Variants in ADAM7 observed in about 807,000 individuals in gnomAD.
ADAM7 encodes the protein disintegrin and metalloproteinase domain-containing protein 7.
In ADAM7, 97 loss-of-function variants were observed where a neutral mutation model predicts 102.9. That is an observed-to-expected ratio of 0.94 (90% CI 0.80 to 1.12). The LOEUF (loss-of-function observed/expected upper bound fraction) is 1.12. Ranked by LOEUF, ADAM7 falls within the 50% of genes most tolerant of loss-of-function variation. The pLI is 0.00. For missense variants in ADAM7, 991 were observed against 908.7 expected, an observed-to-expected ratio of 1.09 and a Z score of -1.16; for synonymous variants, 334 against 304.4, an observed-to-expected ratio of 1.10 and a Z score of -1.01.
intron 16 of ADAM7, among the ~76,000 whole-genome samples, chr8:24,499,003 A>G (rs994000914): frequency 2.0e-5 from 3 of 152,074 alleles, no homozygotes; most frequent in African/African-American, 2.4e-5. Context: ...ATTTCTTTGC[A>G]TGTATAGTAC....
chr8:24,489,585 A>G (rs933673748), intron 12 of ADAM7, among the ~76,000 whole-genome samples: 13 of 152,146 alleles, frequency 8.5e-5, no homozygotes, highest in African/African-American at 2.9e-4. Context: ...TTGTTAATAT[A>G]TAATTGGTTC....
At chr8:24,445,769 A>G (rs540168278) in intron 2 of ADAM7, among the ~76,000 whole-genome samples, 3 of 152,258 alleles carry the variant, frequency 2.0e-5, no homozygotes, top group South Asian at 2.1e-4. Flanking sequence ...GTTGAACATG[A>G]TTTACTCCTT....
intron 15 of ADAM7, 24 bp from the exon 16 acceptor site, chr8:24,493,019 T>C: frequency 3.2e-6 from 5 of 1,546,222 alleles, no homozygotes; most frequent in East Asian, 2.4e-5. Context: ...AGTTCCAAGT[T>C]TGAATATTCT....
At position 24,463,918 on chromosome 8, in the gene ADAM7, C is replaced by G. The variant is rs776799762; in HGVS notation, c.270C>G (p.Tyr90Ter). The G allele has an allele frequency of 1.9e-6, 3 of 1,613,718 alleles. No homozygotes were observed. In the South Asian group the frequency reaches 3.3e-5, roughly 18 times the overall value. ...GCTCAAATTACAGTGAAACATTCTACTCCATGAAAGGAGAAGCGTTCACCA... is the reference window on the plus strand; with the variant it reads ...GCTCAAATTACAGTGAAACATTCTAGTCCATGAAAGGAGAAGCGTTCACCA... ...FLGSNYSETF[Y>*]SMKGEAFTRH... is the part of the protein sequence containing the mutation. Residue 90 changes from tyrosine (Y) to a stop codon, truncating the protein, a stop_gained, in exon 4 of 22, where the codon TAC (tyrosine) becomes TAG (stop). Coordinates refer to ENST00000175238, the MANE Select transcript of ADAM7 (RefSeq NM_003817.4). LOFTEE classifies it high-confidence loss of function.
chr8:24,457,863 A>AGTGTGT (rs58099346), intron 3 of ADAM7, among the ~76,000 whole-genome samples: 6,755 of 147,876 alleles, frequency 0.046, 167 homozygotes, highest in African/African-American at 0.05. Context: ...TATGTGTGTG[A>AGTGTGT]GTGTGTGTGT....
rs527858828 is a variant in ADAM7, at chr8:24,465,085, G to A, written c.313-614G>A. 7.6e-4 allele frequency among the ~76,000 whole-genome samples: 116 copies of A among 152,262 alleles called. 4 individuals are homozygous for A. In the South Asian group the frequency reaches 0.024, roughly 31 times the overall value. On this transcript the variant is annotated intron_variant, in intron 4 of 21. Transcript: ENST00000175238. ...CAGGCGTAATCTACCATGCCCAGCA[G>A]CAAATGTCAACTTCTATGAGAGCTA... is the stretch of plus-strand genomic sequence containing the variant.
intron 7 of ADAM7, among the ~76,000 whole-genome samples, chr8:24,470,571 A>G (rs1819570967): frequency 6.6e-6 from 1 of 152,156 alleles, no homozygotes; most frequent in Non-Finnish European, 1.5e-5. Flanking sequence ...GTTTTGGTCA[A>G]CAATAGACCA....
In ADAM7 at chr8:24,489,186, C is replaced by T; in HGVS notation, c.1119C>T (p.Cys373=). ...TTCCTGCACTGAAATTCAGTAAATG[C>T]AGCCAAAACCAATACCACCAGTACT... ...GSIPALKFSK[C]SQNQYHQYLK... is the part of the protein sequence containing the mutation. Residue 373 remains cysteine, a synonymous_variant, in exon 12 of 22, where the codon TGC becomes TGT. Coordinates refer to ENST00000175238, the MANE Select transcript of ADAM7 (RefSeq NM_003817.4). 1 of 1,611,080 alleles carries T rather than the reference C, an allele frequency of 6.2e-7. No homozygotes were observed. The highest frequency in any genetic ancestry group is 1.1e-5 in the South Asian group (1 of 90,390).
intron 8 of ADAM7, among the ~76,000 whole-genome samples, chr8:24,478,614 G>A (rs745690495): frequency 1.3e-5 from 2 of 152,074 alleles, no homozygotes; most frequent in Non-Finnish European, 2.9e-5. Context: ...GAATCCTTGG[G>A]GGCCATCTTC....
chr8:24,498,232 G>T (rs1820625859), intron 16 of ADAM7, among the ~76,000 whole-genome samples: 1 of 151,298 alleles, frequency 6.6e-6, no homozygotes, highest in Non-Finnish European at 1.5e-5. Flanking sequence ...AAAATCTCAG[G>T]AATAATAAAT....
intron 11 of ADAM7, 125 bp from the exon 12 acceptor site, chr8:24,489,034 C>A: frequency 1.2e-6 from 1 of 825,092 alleles, no homozygotes; most frequent in Non-Finnish European, 1.8e-6. Flanking sequence ...GACCCAGTTA[C>A]TTCCCTGCTC....
At chr8:24,462,405 T>C (rs538262982) in intron 3 of ADAM7, among the ~76,000 whole-genome samples, 74 of 152,336 alleles carry the variant, frequency 4.9e-4, no homozygotes, top group African/African-American at 1.7e-3. Flanking sequence ...AGAACAACTG[T>C]GGTTTTCTAG....
At chr8:24,468,193 T>C (rs1257091712) in intron 6 of ADAM7, among the ~76,000 whole-genome samples, 3 of 151,972 alleles carry the variant, frequency 2.0e-5, no homozygotes, top group Admixed American at 1.3e-4. Context: ...GTACAAGAAA[T>C]GCAGTCAGTC....
chr8:24,443,100 C>A (rs1585841885), intron 2 of ADAM7, among the ~76,000 whole-genome samples: 1 of 152,140 alleles, frequency 6.6e-6, no homozygotes, highest in East Asian at 1.9e-4. Flanking sequence ...TAAGAGGGAA[C>A]AGGCTTGAAA....
Position 24,475,914 on chromosome 8 carries a change from C to T in ADAM7, c.634-519C>T, listed in dbSNP as rs552635482. On this transcript the variant is annotated intron_variant, in intron 7 of 21. Coordinates refer to ENST00000175238, the MANE Select transcript of ADAM7 (RefSeq NM_003817.4). ...GGACATGAAAAGTCTGGTTTGCCCT[C>T]GTAGCTATTTCCTGGAGGGAAGGGG... is the stretch of plus-strand genomic sequence containing the variant. 3.2e-4 allele frequency: 144 copies of T among 456,484 alleles called. 1 individual carries two copies. Among genetic ancestry groups the T allele is most frequent in the African/African-American group, 2.6e-3 (132 of 50,176 alleles). The allele number at this position is 456,484 out of a possible 1,614,324, so 28.3% of individuals were successfully genotyped here.
chr8:24,455,970 T>C lies in ADAM7; in HGVS notation c.234-7912T>C, dbSNP rs77315432. On this transcript the variant is annotated intron_variant, in intron 3 of 21. Coordinates refer to ENST00000175238, the MANE Select transcript of ADAM7 (RefSeq NM_003817.4). ...CACCTCAACTACTTATTTTTTTTTT[T>C]GTGGTGCAAACACTTGAAATTTACT... 1.5e-3 allele frequency among the ~76,000 whole-genome samples: 231 copies of C among 152,304 alleles called. 1 individual carries two copies. Among genetic ancestry groups the C allele is most frequent in the African/African-American group, 5.2e-3 (215 of 41,550 alleles).
intron 21 of ADAM7, 95 bp downstream of exon 21, chr8:24,507,630 A>G: frequency 1.9e-6 from 2 of 1,042,942 alleles, no homozygotes; most frequent in Non-Finnish European, 2.9e-6. Flanking sequence ...TACTGGGGAC[A>G]TCCTCTGTAC....
At chr8:24,481,939 C>A (rs1327367924) in intron 8 of ADAM7, among the ~76,000 whole-genome samples, 2 of 152,152 alleles carry the variant, frequency 1.3e-5, no homozygotes, top group African/African-American at 4.8e-5. Flanking sequence ...TTCACCATTG[C>A]CCAGAAAATT....
chr8:24,441,099 A>T lies in ADAM7; in HGVS notation c.-10A>T. On this transcript the variant is annotated 5_prime_UTR_variant, in exon 1 of 22. Coordinates refer to ENST00000175238, the MANE Select transcript of ADAM7 (RefSeq NM_003817.4). ...AGCACTTCTGCTCTCCTCTACCAGA[A>T]TCACTCAGAATGCTTCCCGGGTGTA... The T allele has an allele frequency of 2.5e-6, 4 of 1,612,974 alleles. No homozygotes were observed. The highest frequency in any genetic ancestry group is 3.4e-6 in the Non-Finnish European group (4 of 1,178,946).
Sources: allele counts gnomAD v4.1 joint callset (sites outside exome capture counted in the v4.1 genomes callset), GRCh38; gene constraint gnomAD v4.1.1; transcripts MANE v1.5; gene names NCBI Gene and HGNC (gene_info 2026-07-23, HGNC 2026-07-21).